SNRPN: variants seen among roughly 807,000 people sequenced by gnomAD.
The protein encoded by SNRPN is small nuclear ribonucleoprotein-associated protein N.
SNRPN carries 7 observed loss-of-function variants against 25.2 expected under a neutral mutation model. The observed-to-expected ratio is 0.28, with a 90% CI of 0.16 to 0.52. The LOEUF is 0.52. Ranked by LOEUF, SNRPN falls within the 20% of genes least tolerant of loss-of-function variation. The pLI, the probability that SNRPN is intolerant of heterozygous loss-of-function variation, is 0.96. For missense variants in SNRPN, 196 were observed against 322.5 expected, an observed-to-expected ratio of 0.61 and a Z score of 3.00; for synonymous variants, 124 against 110.6, an observed-to-expected ratio of 1.12 and a Z score of -0.76.
intron 2 of SNRPN, chr15:24,850,111 T>C (rs1200450289): frequency 6.6e-6 from 1 of 152,204 alleles, no homozygotes; most frequent in Non-Finnish European, 1.5e-5. Flanking sequence ...CCTTTCTTGC[T>C]GACACCATTC....
intron 1 of SNRPN, among the ~76,000 whole-genome samples, chr15:24,824,882 A>G (rs142855223): frequency 7.0e-4 from 107 of 152,244 alleles, no homozygotes; most frequent in Middle Eastern, 3.4e-3. Flanking sequence ...TAGGTTCTGC[A>G]ATACGAATTG....
chr15:24,876,581 C>A (rs576531422), intron 1 of SNRPN, among the ~76,000 whole-genome samples: 1 of 148,314 alleles, frequency 6.7e-6, no homozygotes, highest in Non-Finnish European at 1.5e-5. Flanking sequence ...TGCTCCACTG[C>A]GCTCCAGCCT....
chr15:24,906,532 G>C (rs2058819630), intron 2 of SNRPN, among the ~76,000 whole-genome samples: 1 of 152,208 alleles, frequency 6.6e-6, no homozygotes, highest in African/African-American at 2.4e-5. Context: ...AGCCAGATCT[G>C]TTCAGATTCT....
chr15:24,901,601 G>A (rs943307894), intron 2 of SNRPN, among the ~76,000 whole-genome samples: 6 of 152,154 alleles, frequency 3.9e-5, no homozygotes, highest in Non-Finnish European at 8.8e-5. Context: ...GCCACTCTGT[G>A]CATGACCACA....
chr15:24,865,480 G>C (rs1176717789), intron 1 of SNRPN, among the ~76,000 whole-genome samples: 2 of 152,160 alleles, frequency 1.3e-5, no homozygotes, highest in Non-Finnish European at 2.9e-5. Flanking sequence ...CTTATCAGGA[G>C]AAAGTTACTG....
At chr15:24,960,765 T>A (rs2074651573) in intron 1 of SNRPN, among the ~76,000 whole-genome samples, 1 of 152,188 alleles carries the variant, frequency 6.6e-6, no homozygotes. Context: ...CCTTACATAT[T>A]CTGGATACCA....
chr15:24,856,062 T>TC (rs1030313615), upstream of SNRPN, among the ~76,000 whole-genome samples: 26 of 152,256 alleles, frequency 1.7e-4, no homozygotes, highest in Admixed American at 1.4e-3. Flanking sequence ...CCTTTTTTTT[T>TC]CCATTGGTTT....
rs1232121973 is a variant in SNRPN, at chr15:24,909,106, C to T, written c.-504-10905C>T. The T allele has an allele frequency of 3.7e-6, 5 of 1,357,556 alleles. No individual in the cohort carries two copies. The African/African-American group carries it at 7.2e-5, about 19-fold the overall frequency. 84.1% of individuals were successfully genotyped at this position (1,357,556 alleles called of 1,614,324 possible). On this transcript the variant is annotated intron_variant, in intron 2 of 11. Coordinates refer to the SNRPN transcript ENST00000400097. ...GTATAGCAGCATGAGCTTCCTTATA[C>T]ATTTCCTCCATCATGTCTGGAGTTA...
chr15:24,862,684 G>A (rs554954516), intron 1 of SNRPN, among the ~76,000 whole-genome samples: 1 of 151,192 alleles, frequency 6.6e-6, no homozygotes, highest in Admixed American at 6.6e-5. Context: ...AAACTAAACT[G>A]CAAGTGCAAG....
intron 2 of SNRPN, among the ~76,000 whole-genome samples, chr15:24,846,936 A>C (rs2052257407): frequency 6.6e-6 from 1 of 152,218 alleles, no homozygotes. Flanking sequence ...ATTGAGGCTC[A>C]GACCCTGTAC....
chr15:24,943,500 A>G (rs2061688800), intron 3 of SNRPN, among the ~76,000 whole-genome samples: 2 of 152,080 alleles, frequency 1.3e-5, no homozygotes, highest in Admixed American at 6.6e-5. Flanking sequence ...CATGTGACTT[A>G]GTTGTGTCTT....
intron 2 of SNRPN, among the ~76,000 whole-genome samples, chr15:24,900,424 CAG>C (rs1285137706): frequency 1.3e-5 from 2 of 152,272 alleles, no homozygotes; most frequent in South Asian, 2.1e-4. Context: ...CATCTGGAAA[CAG>C]AAAGTCAGGC....
intron 7 of SNRPN, among the ~76,000 whole-genome samples, 168 bp downstream of exon 7, chr15:24,977,197 A>G (rs1350826665): frequency 6.6e-6 from 1 of 152,244 alleles, no homozygotes; most frequent in East Asian, 1.9e-4. Context: ...TAGCTGCTTA[A>G]AATGGTCATT....
upstream of SNRPN, among the ~76,000 whole-genome samples, chr15:24,853,042 C>T (rs2053025964): frequency 6.6e-6 from 1 of 152,108 alleles, no homozygotes; most frequent in South Asian, 2.1e-4. Flanking sequence ...TTAAGCTTGA[C>T]AGTGCTTTTA....
chr15:24,967,498 C>G (rs528098169), intron 2 of SNRPN, among the ~76,000 whole-genome samples: 2 of 151,874 alleles, frequency 1.3e-5, no homozygotes, highest in African/African-American at 4.8e-5. Flanking sequence ...AAAAATTAGC[C>G]GAGAGTGGTG....
chr15:24,967,499 G>A (rs765750290), intron 2 of SNRPN, among the ~76,000 whole-genome samples: 11 of 152,046 alleles, frequency 7.2e-5, no homozygotes, highest in Non-Finnish European at 1.3e-4. Context: ...AAAATTAGCC[G>A]AGAGTGGTGG....
chr15:24,967,296 G>A (rs1367269823), intron 2 of SNRPN: 1 of 153,334 alleles, frequency 6.5e-6, no homozygotes, highest in Non-Finnish European at 1.5e-5. Flanking sequence ...AGAGATTCCT[G>A]TTTTGTGTTA....
chr15:24,976,443 A>G, intron 6 of SNRPN, 27 bp downstream of exon 6: 3 of 1,458,062 alleles, frequency 2.1e-6, no homozygotes, highest in Non-Finnish European at 2.9e-6. Context: ...GCAGGACAGA[A>G]CTTTAATTTG....
At position 24,949,010 on chromosome 15, in the gene SNRPN, CTTTTTTTTTT is replaced by C. The variant is rs869100437; in HGVS notation, c.-390-13084_-390-13075del. 3.6e-3 allele frequency among the ~76,000 whole-genome samples: 165 copies of C among 46,418 alleles called. 1 individual carries two copies. The highest frequency in any genetic ancestry group is 0.014 in the African/African-American group (153 of 11,184). The allele number at this position is 46,418 out of a possible 152,430, so 30.5% of individuals were successfully genotyped here. On this transcript the variant is annotated intron_variant, in intron 3 of 11. Transcript: ENST00000400097. The stretch of plus-strand genomic sequence containing the variant: ...TTCTGTCTATATGGATTTGCCTATT[CTTTTTTTTTT>C]TTTTTTTTTTTTTTTTTTTGAGATA...
Sources: allele counts gnomAD v4.1 joint callset (sites outside exome capture counted in the v4.1 genomes callset), GRCh38; gene constraint gnomAD v4.1.1; transcripts MANE v1.5; gene names NCBI Gene and HGNC (gene_info 2026-07-23, HGNC 2026-07-21).